Variants in SLC23A2 observed in about 807,000 individuals in gnomAD.
The protein encoded by SLC23A2 is Na(+)/L-ascorbic acid transporter 2.
A neutral mutation model predicts 73.3 loss-of-function variants in SLC23A2; 36 were observed. The ratio of observed to expected loss-of-function variants is 0.49; its 90% CI spans 0.38 to 0.65. The LOEUF is 0.65. Among genes scored for constraint, SLC23A2 ranks in the 30% least tolerant of loss-of-function variants. SLC23A2 has a pLI of 0.00. For missense variants in SLC23A2, 507 were observed against 841.6 expected, an observed-to-expected ratio of 0.60 and a Z score of 4.92; for synonymous variants, 343 against 327.3, an observed-to-expected ratio of 1.05 and a Z score of -0.52.
chr20:4,987,953 C>A (rs944859516), intron 1 of SLC23A2, among the ~76,000 whole-genome samples: 1 of 150,336 alleles, frequency 6.7e-6, no homozygotes, highest in Admixed American at 6.6e-5. Context: ...GAAAATAAAA[C>A]CTATGACAGT....
intron 3 of SLC23A2, among the ~76,000 whole-genome samples, chr20:4,930,933 G>C (rs997295664): frequency 6.6e-6 from 1 of 150,922 alleles, no homozygotes; most frequent in Non-Finnish European, 1.5e-5. Context: ...CATTATGATT[G>C]TACGACTGCC....
chr20:4,914,401 A>T (rs1226652530), intron 3 of SLC23A2, among the ~76,000 whole-genome samples: 1 of 151,874 alleles, frequency 6.6e-6, no homozygotes, highest in Non-Finnish European at 1.5e-5. Flanking sequence ...ATTTTATTTT[A>T]AAAAAAACAA....
chr20:4,976,902 G>A (rs564496924), intron 1 of SLC23A2, among the ~76,000 whole-genome samples: 1 of 152,108 alleles, frequency 6.6e-6, no homozygotes, highest in Non-Finnish European at 1.5e-5. Context: ...CTTGAATCAG[G>A]GGGGCGGAGG....
intron 13 of SLC23A2, among the ~76,000 whole-genome samples, chr20:4,865,460 C>T (rs981890692): frequency 2.0e-5 from 3 of 152,204 alleles, no homozygotes; most frequent in African/African-American, 7.2e-5. Flanking sequence ...CTGTTCTAGG[C>T]ACTTGGGATA....
At chr20:5,001,349 C>G (rs1179221022) in intron 1 of SLC23A2, 57 bp downstream of exon 1, 2 of 146,454 alleles carry the variant, frequency 1.4e-5, no homozygotes, top group Non-Finnish European at 3.0e-5. Context: ...ACCTCGCGGC[C>G]CCGCCGGCAG....
chr20:4,866,900 G>A (rs72552203), intron 13 of SLC23A2, among the ~76,000 whole-genome samples: 2 of 151,816 alleles, frequency 1.3e-5, no homozygotes, highest in Non-Finnish European at 2.9e-5. Context: ...CGAGGATGGT[G>A]AACCAATTTT....
intron 2 of SLC23A2, among the ~76,000 whole-genome samples, chr20:4,941,404 C>A (rs1157514960): frequency 6.6e-5 from 10 of 151,996 alleles, no homozygotes; most frequent in Admixed American, 1.3e-4. Context: ...GAAAACAAAA[C>A]AATACCATAT....
At chr20:4,903,396 C>G (rs1236420599) in intron 4 of SLC23A2, among the ~76,000 whole-genome samples, 1 of 152,176 alleles carries the variant, frequency 6.6e-6, no homozygotes, top group South Asian at 2.1e-4. Context: ...CAAAACTGCT[C>G]TGGTTTCAAA....
intron 2 of SLC23A2, among the ~76,000 whole-genome samples, chr20:4,963,452 G>T (rs551364076): frequency 2.6e-5 from 4 of 152,070 alleles, no homozygotes; most frequent in Non-Finnish European, 5.9e-5. Flanking sequence ...AGTCTGCATG[G>T]CTATAAGAAT....
Position 4,940,091 on chromosome 20 carries a change from G to A in SLC23A2, c.-154-7375C>T, listed in dbSNP as rs560818451. Among the ~76,000 whole-genome samples the A allele has an allele frequency of 2.4e-4, 36 of 152,238 alleles. No individual in the cohort carries two copies. The East Asian group carries it at 7.0e-3, about 29-fold the overall frequency. ...CAACAGTTTTGGGAGGTGGAAGCAGGTGGATCACCTGAGCTCTGGAGTTTG... is the reference window on the plus strand; with the variant it reads ...CAACAGTTTTGGGAGGTGGAAGCAGATGGATCACCTGAGCTCTGGAGTTTG... On this transcript the variant is annotated intron_variant, in intron 2 of 16. Transcript: ENST00000338244.
chr20:4,966,619 A>C (rs1408411447), intron 2 of SLC23A2, among the ~76,000 whole-genome samples: 14 of 152,136 alleles, frequency 9.2e-5, no homozygotes, highest in Non-Finnish European at 4.4e-5. Flanking sequence ...ATATTACTAA[A>C]ATTAATTGTT....
intron 2 of SLC23A2, among the ~76,000 whole-genome samples, chr20:4,943,834 T>C (rs943198067): frequency 1.3e-4 from 20 of 152,110 alleles, no homozygotes; most frequent in African/African-American, 4.6e-4. Flanking sequence ...AAAGGCATGC[T>C]AGTTAGCAAC....
In SLC23A2 at chr20:4,910,379, GAA is replaced by G. The variant is rs373996937; in HGVS notation, c.207+2499_207+2500del. On this transcript the variant is annotated intron_variant, in intron 4 of 16. Coordinates refer to ENST00000338244, the MANE Select transcript of SLC23A2 (RefSeq NM_005116.6). ...GTGACAGAGTGAGACTCTGTCTCAAGAAAAAAAAAAAAAAACAGCCCGCTGAG... is the reference window on the plus strand; with the variant it reads ...GTGACAGAGTGAGACTCTGTCTCAAGAAAAAAAAAAAAACAGCCCGCTGAG... 2.8e-4 allele frequency among the ~76,000 whole-genome samples: 36 copies of G among 128,202 alleles called. No homozygotes were observed. The East Asian group carries it at 6.1e-3, about 22-fold the overall frequency. The allele number at this position is 128,202 out of a possible 152,430, so 84.1% of individuals were successfully genotyped here. A position where few individuals can be genotyped will look rare whatever the true frequency, so the allele number is the denominator to read the frequency against.
upstream of SLC23A2, among the ~76,000 whole-genome samples, chr20:5,004,363 T>C (rs1157217291): frequency 6.6e-6 from 1 of 152,160 alleles, no homozygotes; most frequent in African/African-American, 2.4e-5. Flanking sequence ...TTTCTGAAAT[T>C]CTCTTCTCAT....
chr20:4,939,880 C>A (rs1482616457), intron 2 of SLC23A2, among the ~76,000 whole-genome samples: 3 of 152,032 alleles, frequency 2.0e-5, no homozygotes, highest in Admixed American at 2.0e-4. Flanking sequence ...ATTTGAAAAA[C>A]CAAAGAAACA....
chr20:5,000,124 T>C (rs911034534), intron 1 of SLC23A2, among the ~76,000 whole-genome samples: 3 of 152,070 alleles, frequency 2.0e-5, no homozygotes, highest in Admixed American at 6.6e-5. Context: ...GTGACCCTGA[T>C]AGAGCCAACC....
At chr20:5,006,547 T>TTTTATTTA (rs78731557) in intron 1 of SLC23A2, among the ~76,000 whole-genome samples, 2,843 of 147,602 alleles carry the variant, frequency 0.019, 34 homozygotes, top group Non-Finnish European at 0.026. Context: ...GTAAAAGCCA[T>TTTTATTTA]TTTATTTATT....
rs555195494 is a variant in SLC23A2, at chr20:4,856,803, G to A, written c.*169C>T. On this transcript the variant is annotated 3_prime_UTR_variant, in exon 17 of 17. Transcript: ENST00000338244. The surrounding 1 kb of genome is among the most constrained non-coding windows in gnomAD (Gnocchi z 4.6). ...TAAATAAGGAGATAGGCGAGACACC[G>A]CATCAGGCACCATCACCCTCACAGC... 4.3e-4 allele frequency: 256 copies of A among 596,642 alleles called. 2 individuals are homozygous for A. Among genetic ancestry groups the A allele is most frequent in the Middle Eastern group, 3.6e-3 (8 of 2,238 alleles). 37.0% of individuals were successfully genotyped at this position (596,642 alleles called of 1,614,324 possible). A position where few individuals can be genotyped will look rare whatever the true frequency, so the allele number is the denominator to read the frequency against.
chr20:4,959,988 C>T (rs576317347), intron 2 of SLC23A2, among the ~76,000 whole-genome samples: 56 of 152,000 alleles, frequency 3.7e-4, no homozygotes, highest in African/African-American at 1.3e-3. Flanking sequence ...GAGATGAGGT[C>T]TCGCTATGTT....
Sources: gnomAD v4.1 joint callset for allele counts (sites outside exome capture counted in the v4.1 genomes callset) on GRCh38, gnomAD v4.1.1 for gene constraint, Gnocchi (gnomAD v3.1) non-coding constraint, MANE v1.5 for transcripts, NCBI Gene and HGNC (gene_info 2026-07-23, HGNC 2026-07-21) for gene names.